Variants in MAST4 observed in about 807,000 individuals in gnomAD.
MAST4 encodes microtubule associated serine/threonine kinase family member 4.
In MAST4, 89 loss-of-function variants were observed where a neutral mutation model predicts 162.7. The ratio of observed to expected loss-of-function variants is 0.55; its 90% confidence interval spans 0.46 to 0.65. MAST4 has a LOEUF of 0.65. Among genes scored for constraint, MAST4 ranks in the 30% least tolerant of loss-of-function variants. The probability of loss-of-function intolerance (pLI) is 0.00; values close to 1 mark genes in which losing one functional copy is unlikely to be tolerated. For missense variants in MAST4, 3,153 were observed against 3,374.0 expected (o/e 0.93, Z 1.62); for synonymous variants, 1,479 against 1,361.1 (o/e 1.09, Z -1.91).
At chr5:67,076,086 T>A (rs886648549) in intron 5 of MAST4, among the ~76,000 whole-genome samples, 2 of 152,054 alleles carry the variant, frequency 1.3e-5, no homozygotes, top group African/African-American at 4.8e-5. Context: ...TCCAATGACC[T>A]CTTTCTGGGA....
intron 3 of MAST4, among the ~76,000 whole-genome samples, chr5:66,789,246 G>T (rs1389937691): frequency 6.6e-6 from 1 of 152,110 alleles, no homozygotes; most frequent in African/African-American, 2.4e-5. Context: ...GTATTTGAGA[G>T]TGCATCATCT....
At chr5:66,598,590 C>T (rs1387016175) in intron 1 of MAST4, among the ~76,000 whole-genome samples, 1 of 152,190 alleles carries the variant, frequency 6.6e-6, no homozygotes, top group Admixed American at 6.5e-5. Context: ...TTTCAAGGTG[C>T]GGGGCATGTG....
At chr5:66,736,719 A>G (rs1240078246) in intron 1 of MAST4, among the ~76,000 whole-genome samples, 1 of 152,218 alleles carries the variant, frequency 6.6e-6, no homozygotes, top group East Asian at 1.9e-4. Context: ...CAGTTCTTCA[A>G]GAGTTTGAGT....
intron 5 of MAST4, among the ~76,000 whole-genome samples, chr5:67,069,537 T>A (rs1487501464): frequency 6.6e-6 from 1 of 151,894 alleles, no homozygotes; most frequent in Non-Finnish European, 1.5e-5. Flanking sequence ...CCAACAGACA[T>A]AAGATGTGAG....
Position 67,095,682 on chromosome 5 carries a change from G to A in MAST4, c.912+7G>A. The stretch of plus-strand genomic sequence containing the variant: ...ACCCAGCTCTACGGTCTCTGTAAGT[G>A]CCTGACTTTTTTTTTTTTTTTCTCT... On this transcript the variant is annotated splice_region_variant and intron_variant, in intron 7 of 28. Coordinates refer to ENST00000403625, the MANE Select transcript of MAST4 (RefSeq NM_001164664.2). 6.5e-7 allele frequency: 1 copy of A among 1,550,038 alleles called. No homozygotes were observed. The highest frequency in any genetic ancestry group is 8.7e-7 in the Non-Finnish European group (1 of 1,152,654).
intron 3 of MAST4, among the ~76,000 whole-genome samples, chr5:66,884,809 T>A (rs1052049349): frequency 6.6e-6 from 1 of 152,234 alleles, no homozygotes; most frequent in Non-Finnish European, 1.5e-5. Context: ...TCTTTCCATG[T>A]GTTCCTTGGC....
At chr5:66,902,130 G>A (rs1763050155) in intron 4 of MAST4, among the ~76,000 whole-genome samples, 5 of 152,070 alleles carry the variant, frequency 3.3e-5, no homozygotes, top group Non-Finnish European at 7.4e-5. Context: ...GAAAGATTGG[G>A]GTTTGCTTCT....
Position 67,142,417 on chromosome 5 carries a change from G to A in MAST4, c.2618-4G>A. The A allele has an allele frequency of 6.3e-7, 1 of 1,586,144 alleles. No individual in the cohort carries two copies. Among genetic ancestry groups the A allele is most frequent in the Non-Finnish European group, 8.6e-7 (1 of 1,163,832 alleles). Reference sequence around the variant, plus strand: ...TGGACCTGTTCCCAAACATTTCACTGCAGCTCGGTCTGAGAAGTATCATCA... The same window carrying A: ...TGGACCTGTTCCCAAACATTTCACTACAGCTCGGTCTGAGAAGTATCATCA... On this transcript the variant is annotated splice_region_variant and splice_polypyrimidine_tract_variant and intron_variant, in intron 20 of 28. Transcript: ENST00000403625.
intron 1 of MAST4, among the ~76,000 whole-genome samples, chr5:66,731,621 C>T (rs545276749): frequency 6.6e-6 from 1 of 152,166 alleles, no homozygotes; most frequent in African/African-American, 2.4e-5. Context: ...TAACAAAAGG[C>T]AGTCTTTTCC....
Position 67,165,781 on chromosome 5 carries a change from G to GCCCT in MAST4, c.6605_6608dup (p.Lys2204SerfsTer4). 3.7e-6 allele frequency: 6 copies of GCCCT among 1,605,818 alleles called. No individual in the cohort carries two copies. Among genetic ancestry groups the GCCCT allele is most frequent in the Non-Finnish European group, 5.1e-6 (6 of 1,176,534 alleles). On this transcript the variant is annotated frameshift_variant, in exon 29 of 29. Coordinates refer to ENST00000403625, the MANE Select transcript of MAST4 (RefSeq NM_001164664.2). LOFTEE classifies it low-confidence loss of function (END_TRUNC). ...AAGCCCCGGCCTGGCCCTGACCCGGGCCCTCCAAAGACTAAGCACCCCGAC... is the reference window on the plus strand; with the variant it reads ...AAGCCCCGGCCTGGCCCTGACCCGGGCCCTCCCTCCAAAGACTAAGCACCCCGAC...
rs989282205 is a variant in MAST4 at position 67,167,623 on chromosome 5, C to A, written c.*572C>A. ...AGTTAAGATGGAAGAAAGCCCTAAA[C>A]ACAGTAGATTCTGAGTTTTTATGTG... On this transcript the variant is annotated 3_prime_UTR_variant, in exon 29 of 29. Transcript: ENST00000403625. The A allele has an allele frequency of 2.0e-5, 3 of 152,200 alleles. No individual in the cohort carries two copies. The highest frequency in any genetic ancestry group is 6.5e-5 in the Admixed American group (1 of 15,290). 9.4% of individuals were successfully genotyped at this position (152,200 alleles called of 1,614,324 possible). A position where few individuals can be genotyped will look rare whatever the true frequency, so the allele number is the denominator to read the frequency against.
At chr5:66,905,096 A>C (rs1173361860) in intron 4 of MAST4, among the ~76,000 whole-genome samples, 1 of 152,140 alleles carries the variant, frequency 6.6e-6, no homozygotes, top group Non-Finnish European at 1.5e-5. Flanking sequence ...ATCTGAGGTC[A>C]GGAGTTCAGG....
intron 3 of MAST4, among the ~76,000 whole-genome samples, chr5:66,818,985 T>A (rs184645687): frequency 6.6e-6 from 1 of 152,282 alleles, no homozygotes; most frequent in Admixed American, 6.5e-5. Context: ...CCGTTTTGTG[T>A]TAAAAAGAGT....
chr5:66,986,299 G>A, intron 4 of MAST4: 1 of 494,634 alleles, frequency 2.0e-6, no homozygotes, highest in Non-Finnish European at 3.6e-6. Flanking sequence ...TCTGGAAAGG[G>A]AAACTGAGCC....
At chr5:66,660,154 TGA>T (rs1437707935) in intron 1 of MAST4, among the ~76,000 whole-genome samples, 3 of 152,178 alleles carry the variant, frequency 2.0e-5, no homozygotes, top group African/African-American at 7.2e-5. Flanking sequence ...TTTGGGTGGC[TGA>T]GGTGGGTGGA....
chr5:67,076,560 G>C (rs900750838), intron 5 of MAST4, among the ~76,000 whole-genome samples: 1 of 151,914 alleles, frequency 6.6e-6, no homozygotes, highest in Non-Finnish European at 1.5e-5. Flanking sequence ...ATCATTTTTT[G>C]TTACACCCTC....
In MAST4 at chr5:67,165,408, C is replaced by T. The variant is rs1226251111; in HGVS notation, c.6229C>T (p.Arg2077Cys). The T allele has an allele frequency of 1.9e-6, 3 of 1,613,856 alleles. No homozygotes were observed. Among genetic ancestry groups the T allele is most frequent in the South Asian group, 1.1e-5 (1 of 91,080 alleles). ...PCEKELGKVR[R>C]GVEPKPEALL... is the part of the protein sequence containing the mutation. ...TGAGAAGGAGCTGGGCAAGGTGAGG[C>T]GTGGCGTGGAACCCAAGCCCGAAGC... Residue 2077 changes from arginine to cysteine, a missense_variant, in exon 29 of 29, where the codon CGT becomes TGT. Arg to Cys is a radical substitution (Grantham distance 180, BLOSUM62 -3). Around this residue, in one of 7 missense-constraint regions of MAST4, gnomAD observed 1,644 missense variants for 1,495.0 expected, o/e 1.10. Transcript: ENST00000403625.
chr5:67,162,679 C>T lies in MAST4; in HGVS notation c.3858C>T (p.Cys1286=), dbSNP rs576044090. ...PLLHTSRSFS[C]LNRSLSSGES... is the part of the protein sequence containing the mutation. ...TCCACACCAGCCGAAGTTTCTCCTG[C>T]TTGAACAGATCCCTGTCATCGGGTG... is the stretch of plus-strand genomic sequence containing the variant. Residue 1286 remains cysteine, a synonymous_variant, in exon 28 of 29, where the codon TGC becomes TGT. Transcript: ENST00000403625. The T allele has an allele frequency of 1.6e-5, 26 of 1,613,944 alleles. No individual in the cohort carries two copies. The East Asian group carries it at 5.6e-4, about 35-fold the overall frequency.
At chr5:66,789,894 C>T (rs1002564664) in intron 3 of MAST4, 1 of 421,544 alleles carries the variant, frequency 2.4e-6, no homozygotes, top group Non-Finnish European at 4.7e-6. Flanking sequence ...CTTCAGCACT[C>T]TCCATAAATA....
Sources: allele counts gnomAD v4.1 joint callset (sites outside exome capture counted in the v4.1 genomes callset), GRCh38; gene constraint gnomAD v4.1.1; regional missense constraint gnomAD v4.1.1; transcripts MANE v1.5; gene names NCBI Gene and HGNC (gene_info 2026-07-23, HGNC 2026-07-21).